NDUFAF6: variants seen among roughly 807,000 people sequenced by gnomAD.
NDUFAF6 encodes the protein NADH dehydrogenase (ubiquinone) complex I, assembly factor 6.
NDUFAF6 carries 45 observed loss-of-function variants against 40.8 expected under a neutral mutation model. That is an observed-to-expected ratio of 1.10 (90% CI 0.87 to 1.42). The LOEUF (loss-of-function observed/expected upper bound fraction) is 1.42, where lower values mean the gene tolerates loss of function less well. NDUFAF6 is among the 40% of genes most tolerant of loss of function. NDUFAF6 has a pLI of 0.00. For missense variants in NDUFAF6, 435 were observed against 418.5 expected, an observed-to-expected ratio of 1.04 and a Z score of -0.34; for synonymous variants, 185 against 155.9, an observed-to-expected ratio of 1.19 and a Z score of -1.39.
At chr8:94,917,362 A>G (rs1037633218) in intron 1 of NDUFAF6, among the ~76,000 whole-genome samples, 8 of 152,318 alleles carry the variant, frequency 5.3e-5, no homozygotes, top group Admixed American at 1.3e-4. Flanking sequence ...AATTCATACT[A>G]TAACACAAGT....
chr8:94,967,272 T>G (rs1418594831), intron 1 of NDUFAF6, among the ~76,000 whole-genome samples: 1 of 152,202 alleles, frequency 6.6e-6, no homozygotes, highest in African/African-American at 2.4e-5. Flanking sequence ...CTTCACTGTT[T>G]TCTTGGATAT....
chr8:95,046,996 A>G lies in NDUFAF6; in HGVS notation c.583A>G (p.Ile195Val), dbSNP rs2131899018. The change falls in exon 6 of 9, where the codon ATA (isoleucine) becomes GTA (valine). Residue 195 changes from isoleucine (I) to valine (V), a missense_variant and splice_region_variant. Physicochemically the swap from Ile to Val is conservative, Grantham distance 29 (BLOSUM62 3). Coordinates refer to ENST00000396124, the MANE Select transcript of NDUFAF6 (RefSeq NM_152416.4). ...LLYLTLEILG[I>V]KDLHADHAAS... ...CTGTGTAATTTCTGAAATCATAGGT[A>G]TAAAGGATCTTCATGCAGATCATGC... 4 of 1,614,122 alleles carry G rather than the reference A, an allele frequency of 2.5e-6. No individual in the cohort carries two copies. In the South Asian group the frequency reaches 3.3e-5, roughly 13 times the overall value.
intron 4 of NDUFAF6, among the ~76,000 whole-genome samples, chr8:95,111,107 C>T (rs1213348105): frequency 6.6e-6 from 1 of 152,104 alleles, no homozygotes; most frequent in African/African-American, 2.4e-5. Flanking sequence ...CCAAGAGCAG[C>T]CAGGGGGTAG....
intron 9 of NDUFAF6, chr8:95,073,095 G>C (rs960928185): frequency 6.6e-6 from 1 of 152,666 alleles, no homozygotes; most frequent in African/African-American, 2.4e-5. Context: ...ATGGCTGCGG[G>C]GACCGAAGCT....
chr8:95,024,194 A>C (rs10092003), upstream of NDUFAF6, among the ~76,000 whole-genome samples: 4 of 152,226 alleles, frequency 2.6e-5, no homozygotes, highest in East Asian at 7.7e-4. Flanking sequence ...CCCTGTCCAA[A>C]TAAGATTGTG....
chr8:95,034,525 T>G (rs1228746325), intron 2 of NDUFAF6: 1 of 153,776 alleles, frequency 6.5e-6, no homozygotes. Flanking sequence ...TCCATAGCCT[T>G]TCTTTGCGTT....
chr8:94,945,633 T>C (rs1362115708), intron 2 of NDUFAF6: 1 of 152,190 alleles, frequency 6.6e-6, no homozygotes, highest in Non-Finnish European at 1.5e-5. Flanking sequence ...AATGGAAAAG[T>C]AGAGCTTTAG....
At chr8:95,001,626 C>A (rs902897338) in intron 2 of NDUFAF6, among the ~76,000 whole-genome samples, 3 of 152,030 alleles carry the variant, frequency 2.0e-5, no homozygotes, top group Admixed American at 6.6e-5. Context: ...ATTTTTTTGC[C>A]TGAATCCCCC....
downstream of NDUFAF6, among the ~76,000 whole-genome samples, chr8:95,062,107 A>G (rs1832585598): frequency 2.0e-5 from 3 of 151,708 alleles, no homozygotes; most frequent in African/African-American, 7.3e-5. Flanking sequence ...CAGTGAGCCA[A>G]GCAAGATCGC....
chr8:94,990,957 G>A (rs1826166784), intron 2 of NDUFAF6, among the ~76,000 whole-genome samples: 2 of 152,204 alleles, frequency 1.3e-5, no homozygotes, highest in African/African-American at 2.4e-5. Context: ...CCTTATTCGC[G>A]AAGGGACTTT....
chr8:94,970,941 C>G (rs1824412007), intron 1 of NDUFAF6, among the ~76,000 whole-genome samples: 1 of 152,188 alleles, frequency 6.6e-6, no homozygotes. Context: ...CATGGCCTCT[C>G]AAAGTGCTAG....
chr8:94,956,732 G>A (rs1203663567), upstream of NDUFAF6, among the ~76,000 whole-genome samples: 1 of 152,284 alleles, frequency 6.6e-6, no homozygotes, highest in African/African-American at 2.4e-5. Flanking sequence ...CAGCAGTGGA[G>A]GGGGAGGTAA....
At chr8:95,110,583 A>G (rs182638465) in intron 4 of NDUFAF6, among the ~76,000 whole-genome samples, 1 of 152,372 alleles carries the variant, frequency 6.6e-6, no homozygotes, top group African/African-American at 2.4e-5. Flanking sequence ...CAACAAAGAT[A>G]AAGAGAAGTT....
intron 2 of NDUFAF6, among the ~76,000 whole-genome samples, chr8:94,990,568 C>T (rs1826148683): frequency 6.6e-6 from 1 of 152,160 alleles, no homozygotes. Flanking sequence ...TGGAACCCCT[C>T]TGAAGGACCA....
At chr8:94,991,487 T>A (rs1398465661) in intron 2 of NDUFAF6, among the ~76,000 whole-genome samples, 1 of 152,182 alleles carries the variant, frequency 6.6e-6, no homozygotes, top group Admixed American at 6.5e-5. Context: ...AATTTTCATC[T>A]GTAAAATGGG....
chr8:95,070,391 T>C (rs1157589220), intron 9 of NDUFAF6, among the ~76,000 whole-genome samples: 1 of 152,236 alleles, frequency 6.6e-6, no homozygotes, highest in Admixed American at 6.5e-5. Context: ...ATATACATAC[T>C]GTGTCACTTT....
At chr8:94,932,635 C>G (rs577275606) in intron 1 of NDUFAF6, among the ~76,000 whole-genome samples, 1 of 152,190 alleles carries the variant, frequency 6.6e-6, no homozygotes, top group East Asian at 1.9e-4. Flanking sequence ...AACCCCGTCT[C>G]TACTAAAAAT....
chr8:94,932,968 G>C (rs2956194), intron 1 of NDUFAF6, among the ~76,000 whole-genome samples: 2 of 152,174 alleles, frequency 1.3e-5, no homozygotes, highest in South Asian at 2.1e-4. Flanking sequence ...TGTAATCCCA[G>C]AACTTTGGGA....
intron 3 of NDUFAF6, among the ~76,000 whole-genome samples, chr8:95,039,156 T>G (rs908094894): frequency 1.3e-5 from 2 of 151,386 alleles, no homozygotes; most frequent in Non-Finnish European, 2.9e-5. Context: ...TTTTTTTTTG[T>G]AGAAATGGGG....
Sources: gnomAD v4.1 joint callset for allele counts (sites outside exome capture counted in the v4.1 genomes callset) on GRCh38, gnomAD v4.1.1 for gene constraint, MANE v1.5 for transcripts, NCBI Gene and HGNC (gene_info 2026-07-23, HGNC 2026-07-21) for gene names.